RAD51B: variants seen among roughly 807,000 people sequenced by gnomAD.
The protein encoded by RAD51B is DNA repair protein RAD51 homolog 2.
RAD51B carries 38 observed loss-of-function variants against 42.2 expected under a neutral mutation model. That is an observed-to-expected ratio of 0.90 (90% confidence interval 0.70 to 1.18). The LOEUF is 1.18. Among genes scored for constraint, RAD51B ranks in the 50% most tolerant of loss-of-function variants. The pLI, the probability that RAD51B is intolerant of heterozygous loss-of-function variation, is 0.00. For synonymous variants in RAD51B, 154 were observed against 145.2 expected (o/e 1.06, Z -0.43); for missense variants, 373 against 400.7 (o/e 0.93, Z 0.59).
At chr14:68,665,469 A>T (rs978147468) in intron 11 of RAD51B, among the ~76,000 whole-genome samples, 1 of 152,246 alleles carries the variant, frequency 6.6e-6, no homozygotes. Flanking sequence ...TGGAAACATC[A>T]CTTTATCAGA....
chr14:68,552,764 C>T (rs781097649), intron 10 of RAD51B, among the ~76,000 whole-genome samples: 3 of 152,300 alleles, frequency 2.0e-5, no homozygotes, highest in Non-Finnish European at 2.9e-5. Flanking sequence ...TCAGTTCCCA[C>T]TGTAATGTTA....
intron 7 of RAD51B, among the ~76,000 whole-genome samples, chr14:68,076,915 G>A (rs1025113561): frequency 6.6e-6 from 1 of 152,156 alleles, no homozygotes; most frequent in Non-Finnish European, 1.5e-5. Flanking sequence ...GAGAAACTCA[G>A]CTGAGCCTTT....
chr14:68,658,882 G>T (rs925907346), intron 11 of RAD51B, among the ~76,000 whole-genome samples: 1 of 152,246 alleles, frequency 6.6e-6, no homozygotes, highest in Non-Finnish European at 1.5e-5. Flanking sequence ...GACCCAAGAA[G>T]TTATTAACTT....
In RAD51B at chr14:68,629,097, T is replaced by A. The variant is rs557647376; in HGVS notation, c.1037-21684T>A. Among the ~76,000 whole-genome samples, 71 of 152,244 alleles carry A rather than the reference T, an allele frequency of 4.7e-4. 3 individuals carry two copies. The South Asian group carries it at 0.013, about 28-fold the overall frequency. ...AGCCACAGCTTCCAGCCCCACACGA[T>A]GCCCAACTTCATTTTAGCAGTGGCC... On this transcript the variant is annotated intron_variant, in intron 10 of 11. Transcript: ENST00000488612.
rs550961733 is a variant in RAD51B at position 68,029,717 on chromosome 14, A to T, written c.756+142513A>T. On this transcript the variant is annotated intron_variant, in intron 7 of 10. Transcript: ENST00000471583. ...TTTTGACCTTTTCCAGCGAATCAGG[A>T]ATGTTCTGAATAGCATCTAGAATGG... Among the ~76,000 whole-genome samples, 12 of 152,306 alleles carry T rather than the reference A, an allele frequency of 7.9e-5. No individual in the cohort carries two copies. In the South Asian group the frequency reaches 2.3e-3, roughly 29 times the overall value.
At chr14:68,428,130 A>G (rs559040034) in intron 9 of RAD51B, among the ~76,000 whole-genome samples, 10 of 152,334 alleles carry the variant, frequency 6.6e-5, no homozygotes, top group African/African-American at 2.4e-4. Context: ...TCCAGCATAC[A>G]GGACTATGAG....
chr14:68,414,725 A>G (rs373683415), intron 9 of RAD51B, among the ~76,000 whole-genome samples: 1 of 151,948 alleles, frequency 6.6e-6, no homozygotes, highest in East Asian at 1.9e-4. Flanking sequence ...ATTACCTTAA[A>G]ATCAGTGATT....
rs1261507499 is a variant in RAD51B, at chr14:67,855,079, T to TA, written c.316-9923dup. Among the ~76,000 whole-genome samples the TA allele has an allele frequency of 3.3e-5, 5 of 152,224 alleles. No homozygotes were observed. In the East Asian group the frequency reaches 9.6e-4, roughly 29 times the overall value. On this transcript the variant is annotated intron_variant, in intron 4 of 10. Transcript: ENST00000471583. ...ATGCCTGGCAAAGTTTTTGTATTTT[T>TA]AGTAGAGATGGGGTTTCACCATGTT...
At chr14:67,923,341 C>T (rs1275012240) in intron 7 of RAD51B, among the ~76,000 whole-genome samples, 5 of 144,412 alleles carry the variant, frequency 3.5e-5, no homozygotes, top group Non-Finnish European at 7.4e-5. Context: ...CTCTTGTTGC[C>T]CAGGCTGGAA....
chr14:68,383,324 C>G (rs186028214), intron 8 of RAD51B, among the ~76,000 whole-genome samples: 80 of 152,274 alleles, frequency 5.3e-4, no homozygotes, highest in African/African-American at 1.9e-3. Flanking sequence ...GGACTTTTGA[C>G]AATGTCACAG....
chr14:67,863,411 A>G (rs576267795), intron 4 of RAD51B, among the ~76,000 whole-genome samples: 30 of 152,294 alleles, frequency 2.0e-4, no homozygotes, highest in Middle Eastern at 3.4e-3. Flanking sequence ...GCCATGACCC[A>G]GACCTACTGA....
chr14:68,215,123 G>A (rs2079786939), intron 7 of RAD51B, among the ~76,000 whole-genome samples: 1 of 152,104 alleles, frequency 6.6e-6, no homozygotes. Flanking sequence ...TCTCTCCTGA[G>A]TTATCATCAT....
intron 8 of RAD51B, among the ~76,000 whole-genome samples, chr14:68,370,281 T>C (rs2083226249): frequency 6.6e-6 from 1 of 152,250 alleles, no homozygotes; most frequent in Admixed American, 6.5e-5. Context: ...AAGACATGTT[T>C]AAAACTCTTT....
intron 10 of RAD51B, chr14:68,562,299 C>T: frequency 1.0e-6 from 1 of 985,390 alleles, no homozygotes; most frequent in Non-Finnish European, 1.2e-6. Flanking sequence ...CTTTTGAACG[C>T]CAAACCTCTG....
At chr14:68,272,271 T>C (rs1204426304) in intron 7 of RAD51B, among the ~76,000 whole-genome samples, 1 of 152,056 alleles carries the variant, frequency 6.6e-6, no homozygotes, top group African/African-American at 2.4e-5. Flanking sequence ...AGACTTATAG[T>C]AAAAGACAAG....
At chr14:68,313,775 G>A (rs369503401) in intron 8 of RAD51B, among the ~76,000 whole-genome samples, 1 of 152,310 alleles carries the variant, frequency 6.6e-6, no homozygotes, top group African/African-American at 2.4e-5. Context: ...CAGGGAGATG[G>A]GGGCTTGGGC....
intron 10 of RAD51B, among the ~76,000 whole-genome samples, chr14:68,641,100 G>T (rs547593948): frequency 2.0e-5 from 3 of 152,228 alleles, no homozygotes; most frequent in South Asian, 4.2e-4. Flanking sequence ...TGCTATTTGG[G>T]TAATTATTTA....
At chr14:68,035,543 A>C (rs1298321409) in intron 7 of RAD51B, among the ~76,000 whole-genome samples, 1 of 152,220 alleles carries the variant, frequency 6.6e-6, no homozygotes. Flanking sequence ...TCTCAGTGCT[A>C]GTTCTCTTTC....
chr14:68,643,604 TTCC>T (rs756139358), intron 10 of RAD51B, among the ~76,000 whole-genome samples: 2 of 152,192 alleles, frequency 1.3e-5, no homozygotes, highest in Non-Finnish European at 2.9e-5. Context: ...CAAGATAAAA[TTCC>T]TCCTCCCTGC....
Sources: gnomAD v4.1 joint callset for allele counts (sites outside exome capture counted in the v4.1 genomes callset) on GRCh38, gnomAD v4.1.1 for gene constraint, MANE v1.5 for transcripts, NCBI Gene and HGNC (gene_info 2026-07-23, HGNC 2026-07-21) for gene names.